The following PDS5B variants were observed in gnomAD, a reference collection of about 807,000 sequenced individuals.
The protein encoded by PDS5B is PDS5 cohesin associated factor B.
Under a neutral mutation model 184.1 loss-of-function variants are expected in PDS5B, and 51 were observed. That is an observed-to-expected ratio of 0.28 (90% CI 0.22 to 0.35). The LOEUF (loss-of-function observed/expected upper bound fraction) is 0.35. PDS5B is among the 10% of genes least tolerant of loss of function. The probability of loss-of-function intolerance (pLI) is 1.00; values close to 1 mark genes in which losing one functional copy is unlikely to be tolerated. For synonymous variants in PDS5B, 566 were observed against 569.2 expected, an observed-to-expected ratio of 0.99 and a Z score of 0.08; for missense variants, 1,180 against 1,723.3, an observed-to-expected ratio of 0.68 and a Z score of 5.58.
chr13:32,770,868 C>A, intron 33 of PDS5B, 107 bp downstream of exon 33: 1 of 782,624 alleles, frequency 1.3e-6, no homozygotes, highest in Non-Finnish European at 2.1e-6. Context: ...TATTTAGCCC[C>A]ATTACACTAG....
At chr13:32,620,237 G>A (rs1179164812) in intron 1 of PDS5B, among the ~76,000 whole-genome samples, 2 of 152,172 alleles carry the variant, frequency 1.3e-5, no homozygotes, top group East Asian at 1.9e-4. Flanking sequence ...CAATACTAAT[G>A]TTTTGAGTTT....
chr13:32,640,837 G>A (rs959249567), intron 1 of PDS5B, among the ~76,000 whole-genome samples: 2 of 151,692 alleles, frequency 1.3e-5, no homozygotes, highest in Non-Finnish European at 2.9e-5. Flanking sequence ...GGCAGATCAT[G>A]AGGTCAGGAG....
intron 19 of PDS5B, among the ~76,000 whole-genome samples, chr13:32,730,521 A>C (rs535790651): frequency 6.6e-6 from 1 of 152,252 alleles, no homozygotes; most frequent in South Asian, 2.1e-4. Flanking sequence ...CATTGAATCT[A>C]TAAATTATTT....
chr13:32,704,535 C>G (rs568212071), intron 17 of PDS5B, among the ~76,000 whole-genome samples: 1 of 152,312 alleles, frequency 6.6e-6, no homozygotes, highest in Admixed American at 6.5e-5. Context: ...CAGTCTTTTT[C>G]AAAGGCACAT....
At chr13:32,721,816 A>G (rs12870811) in intron 19 of PDS5B, among the ~76,000 whole-genome samples, 34 of 100,964 alleles carry the variant, frequency 3.4e-4, no homozygotes, top group African/African-American at 3.9e-4. Context: ...AGGCAGAGAC[A>G]CTCCTCACTT....
intron 34 of PDS5B, among the ~76,000 whole-genome samples, chr13:32,774,257 T>C (rs1355236103): frequency 2.0e-5 from 3 of 152,242 alleles, no homozygotes; most frequent in Admixed American, 2.0e-4. Context: ...AGAATTGGTC[T>C]CTGCTGTTCT....
chr13:32,733,985 A>AACACACACACACACAC (rs148714647), intron 20 of PDS5B, among the ~76,000 whole-genome samples: 2,786 of 142,002 alleles, frequency 0.02, 71 homozygotes, highest in African/African-American at 0.051. Context: ...CAAAAATTAA[A>AACACACACACACACAC]ACACACACAC....
At position 32,758,153 on chromosome 13, in the gene PDS5B, A is replaced by G. The variant is rs754418114; in HGVS notation, c.3123A>G (p.Arg1041=). The change falls in exon 27 of 35, where the codon AGA becomes AGG. Residue 1041 remains arginine (R), a synonymous_variant. Coordinates refer to ENST00000315596, the MANE Select transcript of PDS5B (RefSeq NM_015032.4). ...KNENNSHAFI[R]KMVENIKQTK... is the part of the protein sequence containing the mutation. Reference sequence around the variant, plus strand: ...AAAATAACAGTCACGCTTTTATCAGAAAGATGGTAGAAAATATTAAACAAA... The same window carrying G: ...AAAATAACAGTCACGCTTTTATCAGGAAGATGGTAGAAAATATTAAACAAA... The G allele has an allele frequency of 1.3e-6, 2 of 1,550,932 alleles. No homozygotes were observed. The highest frequency in any genetic ancestry group is 2.7e-5 in the African/African-American group (2 of 72,900).
chr13:32,672,827 C>T (rs1950972278), intron 7 of PDS5B, among the ~76,000 whole-genome samples: 1 of 152,226 alleles, frequency 6.6e-6, no homozygotes, highest in South Asian at 2.1e-4. Flanking sequence ...CTGCAAACAT[C>T]ATTGCAGACA....
rs949910846 is a variant in PDS5B, at chr13:32,747,559, C to T, written c.2736+1459C>T. On this transcript the variant is annotated intron_variant, in intron 24 of 34. Transcript: ENST00000315596. ...CCGAGGTCGTGCCATTGCACTCCAGCCTGGGCAACAGAGCGAGACTCCATC... is the reference window on the plus strand; with the variant it reads ...CCGAGGTCGTGCCATTGCACTCCAGTCTGGGCAACAGAGCGAGACTCCATC... Among the ~76,000 whole-genome samples the T allele has an allele frequency of 5.3e-5, 8 of 150,204 alleles. No individual in the cohort carries two copies. In the South Asian group the frequency reaches 1.7e-3, roughly 32 times the overall value.
intron 15 of PDS5B, 102 bp from the exon 16 acceptor site, chr13:32,699,628 C>A: frequency 1.7e-6 from 1 of 573,804 alleles, no homozygotes; most frequent in Non-Finnish European, 2.8e-6. Context: ...TGAATTTGTA[C>A]GTAAGGATTT....
Position 32,750,837 on chromosome 13 carries a change from C to T in PDS5B, c.2737-2495C>T, listed in dbSNP as rs575527475. On this transcript the variant is annotated intron_variant, in intron 24 of 34. Transcript: ENST00000315596. Reference sequence around the variant, plus strand: ...AATTTCAGGCGTGAGCCACTGCGCCCGGCCTCCCTCTGTGTGTGTGTGTGT... The same window carrying T: ...AATTTCAGGCGTGAGCCACTGCGCCTGGCCTCCCTCTGTGTGTGTGTGTGT... Among the ~76,000 whole-genome samples the T allele has an allele frequency of 5.3e-4, 75 of 142,678 alleles. 2 individuals are homozygous for T. In the South Asian group the frequency reaches 0.016, roughly 30 times the overall value. 93.6% of individuals were successfully genotyped at this position (142,678 alleles called of 152,430 possible). A position where few individuals can be genotyped will look rare whatever the true frequency, so the allele number is the denominator to read the frequency against.
At chr13:32,590,533 G>A (rs2057758315) in intron 1 of PDS5B, among the ~76,000 whole-genome samples, 1 of 152,132 alleles carries the variant, frequency 6.6e-6, no homozygotes. Flanking sequence ...TTATGTGGGA[G>A]AGTGAAATTA....
chr13:32,669,040 A>G (rs982107729), intron 7 of PDS5B, among the ~76,000 whole-genome samples: 2 of 152,174 alleles, frequency 1.3e-5, no homozygotes, highest in Admixed American at 1.3e-4. Context: ...AACTTCCAAT[A>G]CTGGTTTCTG....
At chr13:32,757,305 C>T (rs1954217771) in intron 26 of PDS5B, among the ~76,000 whole-genome samples, 1 of 152,146 alleles carries the variant, frequency 6.6e-6, no homozygotes, top group Non-Finnish European at 1.5e-5. Context: ...CCAGTGTAGC[C>T]ATGCATAATC....
chr13:32,677,757 A>T (rs1951112000), intron 9 of PDS5B, among the ~76,000 whole-genome samples: 1 of 151,698 alleles, frequency 6.6e-6, no homozygotes, highest in Non-Finnish European at 1.5e-5. Context: ...TGCTAACTTT[A>T]GTTTCTTAGG....
intron 33 of PDS5B, among the ~76,000 whole-genome samples, chr13:32,772,373 G>A (rs1252421109): frequency 6.6e-6 from 1 of 152,100 alleles, no homozygotes; most frequent in African/African-American, 2.4e-5. Context: ...TGTTTTCATG[G>A]GCTCGTGGTT....
intron 28 of PDS5B, among the ~76,000 whole-genome samples, chr13:32,759,066 C>A (rs1018286469): frequency 3.9e-5 from 6 of 152,094 alleles, no homozygotes; most frequent in Non-Finnish European, 8.8e-5. Flanking sequence ...AAGAGTGTTA[C>A]CAAACCATGC....
At chr13:32,684,945 C>CT (rs1951343777) in intron 11 of PDS5B, among the ~76,000 whole-genome samples, 1 of 152,140 alleles carries the variant, frequency 6.6e-6, no homozygotes, top group Non-Finnish European at 1.5e-5. Flanking sequence ...AATCCCGTCT[C>CT]TACTAAAAAT....
Sources: gnomAD v4.1 joint callset for allele counts (sites outside exome capture counted in the v4.1 genomes callset) on GRCh38, gnomAD v4.1.1 for gene constraint, MANE v1.5 for transcripts, NCBI Gene and HGNC (gene_info 2026-07-23, HGNC 2026-07-21) for gene names.